C4orf51: variants seen among roughly 807,000 people sequenced by gnomAD.
C4orf51 encodes uncharacterized protein C4orf51.
A neutral mutation model predicts 25.2 loss-of-function variants in C4orf51; 25 were observed. That is an observed-to-expected ratio of 0.99 (90% CI 0.72 to 1.39). C4orf51 has a LOEUF of 1.39. Ranked by LOEUF, C4orf51 falls within the 40% of genes most tolerant of loss-of-function variation. The probability of loss-of-function intolerance (pLI) is 0.00; values close to 1 mark genes in which losing one functional copy is unlikely to be tolerated. For missense variants in C4orf51, 252 were observed against 239.6 expected, an observed-to-expected ratio of 1.05 and a Z score of -0.34; for synonymous variants, 100 against 84.5, an observed-to-expected ratio of 1.18 and a Z score of -1.01.
chr4:145,791,611 A>G, the C4orf51 span, among the ~76,000 whole-genome samples: 1 of 152,168 alleles, frequency 6.6e-6, no homozygotes, highest in Non-Finnish European at 1.5e-5. Context: ...CTATTATATC[A>G]TTCTCAATAA....
chr4:145,742,733 G>A (rs1733170921), intron 1 of C4orf51, among the ~76,000 whole-genome samples: 1 of 151,758 alleles, frequency 6.6e-6, no homozygotes, highest in African/African-American at 2.4e-5. Flanking sequence ...GTAGAGACGG[G>A]GTTTCACCAT....
At chr4:145,712,704 A>G (rs781292927) in intron 2 of C4orf51, among the ~76,000 whole-genome samples, 15 of 152,256 alleles carry the variant, frequency 9.9e-5, no homozygotes, top group Non-Finnish European at 2.1e-4. Flanking sequence ...TATCCAGAAG[A>G]CATAGCTAAG....
At chr4:145,729,297 ATT>A (rs547075220) in intron 4 of C4orf51, 68 bp downstream of exon 4, 13,741 of 287,174 alleles carry the variant, frequency 0.048, no homozygotes, top group Middle Eastern at 0.054. Flanking sequence ...TGGTCATGTG[ATT>A]TTTTTTTTTT....
Position 145,761,656 on chromosome 4 carries a change from C to T in C4orf51, n.167-9332C>T, listed in dbSNP as rs1485880101. The T allele has an allele frequency of 4.7e-6, 5 of 1,067,298 alleles. No individual in the cohort carries two copies. In the African/African-American group the frequency reaches 4.9e-5, roughly 10 times the overall value. 66.1% of individuals were successfully genotyped at this position (1,067,298 alleles called of 1,614,324 possible). On this transcript the variant is annotated intron_variant and non_coding_transcript_variant, in intron 1 of 1. Transcript: ENST00000510096. This position sits in a 1 kb window ranked among gnomAD's most constrained non-coding sequence, Gnocchi z 6.8. ...CCGGGAAGGTTCGGAGGCAGCCGCG[C>T]TTCTCGCCGCCTCACCAGCCTTCCC...
downstream of C4orf51, among the ~76,000 whole-genome samples, chr4:145,771,961 A>G (rs1192403565): frequency 6.6e-6 from 1 of 152,242 alleles, no homozygotes; most frequent in Non-Finnish European, 1.5e-5. Flanking sequence ...TATAGGGAAC[A>G]GATGGAGGTC....
At chr4:145,728,505 G>A (rs185880119) in intron 3 of C4orf51, among the ~76,000 whole-genome samples, 2 of 152,188 alleles carry the variant, frequency 1.3e-5, no homozygotes, top group Admixed American at 1.3e-4. Context: ...CATGAATACT[G>A]AATTAAGGAA....
chr4:145,700,916 C>T (rs948204626), intron 2 of C4orf51, among the ~76,000 whole-genome samples: 1 of 152,166 alleles, frequency 6.6e-6, no homozygotes, highest in Non-Finnish European at 1.5e-5. Flanking sequence ...AGCCCTCCCC[C>T]ACCTGCCCAG....
intron 1 of C4orf51, among the ~76,000 whole-genome samples, chr4:145,744,432 C>A (rs919367104): frequency 1.3e-5 from 2 of 152,156 alleles, no homozygotes; most frequent in African/African-American, 4.8e-5. Flanking sequence ...TTAAGTCCTT[C>A]GGCAGGAAAT....
intron 1 of C4orf51, among the ~76,000 whole-genome samples, chr4:145,691,393 C>T (rs1448754864): frequency 6.6e-6 from 1 of 152,104 alleles, no homozygotes; most frequent in South Asian, 2.1e-4. Flanking sequence ...GGAGATTTCT[C>T]AAAGAACTAA....
Position 145,765,975 on chromosome 4 carries a change from A to G in C4orf51, n.167-5013A>G, listed in dbSNP as rs893559468. Among the ~76,000 whole-genome samples, 1 of 152,184 alleles carries G rather than the reference A, an allele frequency of 6.6e-6. No homozygotes were observed. The highest frequency in any genetic ancestry group is 2.4e-5 in the African/African-American group (1 of 41,464). On this transcript the variant is annotated intron_variant and non_coding_transcript_variant, in intron 1 of 1. Coordinates refer to the C4orf51 transcript ENST00000510096. This position sits in a 1 kb window ranked among gnomAD's most constrained non-coding sequence, Gnocchi z 4.7. ...TGACAAGTGTTTATTAAGGTCTTAC[A>G]TGAATTAAAATAAAACGACAGTAAT...
At chr4:145,754,351 A>G (rs1049685139) in exon 2 of C4orf51, 1 of 152,232 alleles carries the variant, frequency 6.6e-6, no homozygotes, top group African/African-American at 2.4e-5. Context: ...GTTTCATTAT[A>G]CCTGCTATAA....
chr4:145,781,800 G>A, the C4orf51 span, among the ~76,000 whole-genome samples: 4 of 152,104 alleles, frequency 2.6e-5, no homozygotes, highest in Non-Finnish European at 4.4e-5. Context: ...GAACAATAAC[G>A]GTAATAATTA....
At chr4:145,737,023 G>A (rs1303684709), downstream of C4orf51, among the ~76,000 whole-genome samples, 2 of 151,874 alleles carry the variant, frequency 1.3e-5, no homozygotes, top group Non-Finnish European at 2.9e-5. Flanking sequence ...CAGCCGATCT[G>A]AACTATTATA....
At chr4:145,720,473 C>A (rs58720965) in intron 2 of C4orf51, among the ~76,000 whole-genome samples, 3 of 152,142 alleles carry the variant, frequency 2.0e-5, no homozygotes, top group African/African-American at 7.2e-5. Flanking sequence ...TAAGACTCTC[C>A]TTCTGTGAGT....
intron 2 of C4orf51, among the ~76,000 whole-genome samples, chr4:145,714,843 G>T (rs1648053160): frequency 6.6e-6 from 1 of 152,160 alleles, no homozygotes; most frequent in African/African-American, 2.4e-5. Context: ...GTATTTGATG[G>T]CTCTCTCAGG....
the C4orf51 span, among the ~76,000 whole-genome samples, chr4:145,790,462 A>G: frequency 6.6e-6 from 1 of 152,212 alleles, no homozygotes. Flanking sequence ...TAAAATTTTA[A>G]TGTTAATTTA....
the C4orf51 span, among the ~76,000 whole-genome samples, chr4:145,780,652 G>A: frequency 1.3e-5 from 2 of 152,116 alleles, no homozygotes; most frequent in East Asian, 1.9e-4. Context: ...CTATGATAAT[G>A]TCATAAAATA....
Position 145,694,185 on chromosome 4 carries a change from C to G in C4orf51, c.234-2374C>G, listed in dbSNP as rs1213801156. On this transcript the variant is annotated intron_variant, in intron 1 of 5. Transcript: ENST00000438731. ...CAGACGATGTGCGGCCGGGCAGAGACGCTCCTCACTTCCTAGATGTGATGG... is the reference window on the plus strand; with the variant it reads ...CAGACGATGTGCGGCCGGGCAGAGAGGCTCCTCACTTCCTAGATGTGATGG... Among the ~76,000 whole-genome samples, 357 of 146,538 alleles carry G rather than the reference C, an allele frequency of 2.4e-3. 2 individuals are homozygous for G. The highest frequency in any genetic ancestry group is 8.8e-3 in the African/African-American group (344 of 39,094).
At chr4:145,746,189 TTTCCTTTG>T (rs1733363347) in intron 1 of C4orf51, among the ~76,000 whole-genome samples, 1 of 146,834 alleles carries the variant, frequency 6.8e-6, no homozygotes, top group Non-Finnish European at 1.5e-5. Context: ...ACTTTGTTTG[TTTCCTTTG>T]GTGTGGAGAA....
Sources: allele counts gnomAD v4.1 joint callset (sites outside exome capture counted in the v4.1 genomes callset), GRCh38; gene constraint gnomAD v4.1.1; non-coding constraint Gnocchi (gnomAD v3.1); transcripts MANE v1.5; gene names NCBI Gene and HGNC (gene_info 2026-07-23, HGNC 2026-07-21).